IGF1R: variants seen among roughly 807,000 people sequenced by gnomAD.
IGF1R encodes the protein insulin like growth factor 1 receptor.
Under a neutral mutation model 144.6 loss-of-function variants are expected in IGF1R, and 44 were observed. The observed-to-expected ratio is 0.30, with a 90% CI of 0.24 to 0.39. IGF1R has a LOEUF of 0.39. IGF1R is among the 10% of genes least tolerant of loss of function. The pLI, the probability that IGF1R is intolerant of heterozygous loss-of-function variation, is 1.00. For missense variants in IGF1R, 1,355 were observed against 1,833.7 expected (o/e 0.74, Z 4.77); for synonymous variants, 795 against 722.8 (o/e 1.10, Z -1.60).
At chr15:98,655,220 A>G (rs1028853755) in intron 1 of IGF1R, among the ~76,000 whole-genome samples, 1 of 152,234 alleles carries the variant, frequency 6.6e-6, no homozygotes, top group Admixed American at 6.5e-5. Context: ...TGTTATCTCA[A>G]GAGAAGCATA....
At chr15:98,785,847 T>C (rs1041822171) in intron 2 of IGF1R, among the ~76,000 whole-genome samples, 5 of 152,122 alleles carry the variant, frequency 3.3e-5, no homozygotes, top group Admixed American at 2.0e-4. Context: ...GCATCTGTAT[T>C]GTAAATCAGG....
chr15:98,874,144 A>G (rs1467114038), intron 2 of IGF1R, among the ~76,000 whole-genome samples: 1 of 152,152 alleles, frequency 6.6e-6, no homozygotes, highest in South Asian at 2.1e-4. Context: ...TCCAAAATGT[A>G]TCTTTGGTGG....
chr15:98,925,408 A>G (rs927737200), intron 13 of IGF1R, among the ~76,000 whole-genome samples: 30 of 152,226 alleles, frequency 2.0e-4, no homozygotes, highest in African/African-American at 7.2e-4. Context: ...ATTTTGGTGA[A>G]ATTAGTTCTG....
rs1222728581 is a variant in IGF1R at position 98,908,772 on chromosome 15, A to G, written c.1335A>G (p.Lys445=). The part of the protein sequence containing the change: ...DHRNLTIKAG[K]MYFAFNPKLC... ...GCAACCTGACCATCAAAGCAGGGAA[A>G]ATGTACTTTGCTTTCAATCCCAAAT... is the stretch of plus-strand genomic sequence containing the variant. The change falls in exon 6 of 21, where the codon AAA becomes AAG. Residue 445 remains lysine (K), a synonymous_variant. Transcript: ENST00000650285. 6.2e-7 allele frequency: 1 copy of G among 1,614,092 alleles called. No homozygotes were observed.
Position 98,680,405 on chromosome 15 carries a change from T to A in IGF1R, c.95-27157T>A, listed in dbSNP as rs562064455. Among the ~76,000 whole-genome samples, 15 of 152,204 alleles carry A rather than the reference T, an allele frequency of 9.9e-5. No individual in the cohort carries two copies. The South Asian group carries it at 3.1e-3, about 32-fold the overall frequency. ...CCTCAGCCTCCCGAGTAGCTGGGAC[T>A]ACAGGCGCCTGCCACCACGCCTGGC... On this transcript the variant is annotated intron_variant, in intron 1 of 20. Coordinates refer to ENST00000650285, the MANE Select transcript of IGF1R (RefSeq NM_000875.5).
chr15:98,835,275 C>G (rs1447387846), intron 2 of IGF1R, among the ~76,000 whole-genome samples: 2 of 152,128 alleles, frequency 1.3e-5, no homozygotes, highest in African/African-American at 4.8e-5. Context: ...TAGCATACAA[C>G]TAGCACACTT....
In IGF1R at chr15:98,836,705, C is replaced by T. The variant is rs78857959; in HGVS notation, c.641-54620C>T. On this transcript the variant is annotated intron_variant, in intron 2 of 20. Transcript: ENST00000650285. ...ATCCTTTTTCAGTCCCAACATCCTT[C>T]ATTGTGTTTACTTACTATATCTAGT... Among the ~76,000 whole-genome samples, 1,522 of 152,222 alleles carry T rather than the reference C, an allele frequency of 1.0e-2. 30 individuals carry two copies. The highest frequency in any genetic ancestry group is 0.035 in the African/African-American group (1,438 of 41,544).
chr15:98,828,775 T>G (rs752520225), intron 2 of IGF1R, among the ~76,000 whole-genome samples: 1 of 64,478 alleles, frequency 1.6e-5, no homozygotes, highest in East Asian at 3.7e-4. Context: ...CTGAGCATGG[T>G]TTTTTTTTTT....
chr15:98,755,200 T>C (rs1221697655), intron 2 of IGF1R, among the ~76,000 whole-genome samples: 2 of 152,136 alleles, frequency 1.3e-5, no homozygotes, highest in Non-Finnish European at 1.5e-5. Context: ...ATATAGTCTT[T>C]CGTAACATTT....
At chr15:98,776,023 A>T (rs1387843043) in intron 2 of IGF1R, among the ~76,000 whole-genome samples, 2 of 152,306 alleles carry the variant, frequency 1.3e-5, no homozygotes, top group East Asian at 3.9e-4. Context: ...TTAATCATAC[A>T]GACTTTCTCA....
Position 98,648,971 on chromosome 15 carries a change from G to T in IGF1R, c.-611G>T. 1 of 205,434 alleles carries T rather than the reference G, an allele frequency of 4.9e-6. No individual in the cohort carries two copies. Among genetic ancestry groups the T allele is most frequent in the Non-Finnish European group, 9.9e-6 (1 of 101,336 alleles). The allele number at this position is 205,434 out of a possible 1,614,324, so 12.7% of individuals were successfully genotyped here. ...GCCGCTTTGTGTGTGTCCTGGATTT[G>T]GGAAGGAGCTCGCCGCGGCGGCGGC... On this transcript the variant is annotated 5_prime_UTR_variant, in exon 1 of 21. Coordinates refer to ENST00000650285, the MANE Select transcript of IGF1R (RefSeq NM_000875.5).
At chr15:98,887,322 T>G (rs2013688519) in intron 2 of IGF1R, among the ~76,000 whole-genome samples, 2 of 152,030 alleles carry the variant, frequency 1.3e-5, no homozygotes, top group African/African-American at 4.8e-5. Flanking sequence ...TTTGTCAGTT[T>G]TTTTTTTTCT....
chr15:98,964,188 T>G lies in IGF1R; in HGVS notation c.*6746T>G, dbSNP rs147783766. ...TGGATGCACCGCAAATAATGCATTT[T>G]CTGAGTTTTCTTGTTAAAAAAAAAT... On this transcript the variant is annotated 3_prime_UTR_variant, in exon 21 of 21. Transcript: ENST00000650285. 201 of 232,980 alleles carry G rather than the reference T, an allele frequency of 8.6e-4. 4 individuals are homozygous for G. The East Asian group carries it at 0.011, about 13-fold the overall frequency. 14.4% of individuals were successfully genotyped at this position (232,980 alleles called of 1,614,324 possible).
intron 2 of IGF1R, among the ~76,000 whole-genome samples, chr15:98,860,105 G>A (rs896523457): frequency 1.4e-4 from 21 of 152,146 alleles, no homozygotes; most frequent in Non-Finnish European, 1.6e-4. Flanking sequence ...TAGTAGAGAC[G>A]GGGTTTCGCC....
intron 2 of IGF1R, among the ~76,000 whole-genome samples, chr15:98,837,796 C>T (rs960327013): frequency 6.6e-6 from 1 of 152,196 alleles, no homozygotes; most frequent in South Asian, 2.1e-4. Flanking sequence ...AAACTCTAAA[C>T]AGTTTCATTC....
intron 2 of IGF1R, among the ~76,000 whole-genome samples, chr15:98,843,710 C>A (rs1363536003): frequency 6.6e-6 from 1 of 152,132 alleles, no homozygotes; most frequent in Admixed American, 6.5e-5. Flanking sequence ...CTGAGCAATA[C>A]GGAAGAAATT....
At chr15:98,678,057 C>G (rs1287273964) in intron 1 of IGF1R, among the ~76,000 whole-genome samples, 1 of 152,080 alleles carries the variant, frequency 6.6e-6, no homozygotes, top group Non-Finnish European at 1.5e-5. Context: ...TGAAGAATTG[C>G]CTGTCTTGTT....
chr15:98,690,209 G>A (rs901180846), intron 1 of IGF1R, among the ~76,000 whole-genome samples: 1 of 152,138 alleles, frequency 6.6e-6, no homozygotes, highest in Non-Finnish European at 1.5e-5. Flanking sequence ...CAAGCATGGT[G>A]GTGTGCACCT....
chr15:98,888,432 A>AGG (rs1249136722), intron 2 of IGF1R, among the ~76,000 whole-genome samples: 1 of 22,124 alleles, frequency 4.5e-5, no homozygotes, highest in African/African-American at 7.4e-5. Context: ...GATGAGAGAG[A>AGG]GAGAGAGTGT....
Sources: gnomAD v4.1 joint callset for allele counts (sites outside exome capture counted in the v4.1 genomes callset) on GRCh38, gnomAD v4.1.1 for gene constraint, MANE v1.5 for transcripts, NCBI Gene and HGNC (gene_info 2026-07-23, HGNC 2026-07-21) for gene names.